The following PPFIA2 variants were observed in gnomAD, a reference collection of about 807,000 sequenced individuals.
PPFIA2 encodes PPFI scaffold protein A2.
PPFIA2 carries 46 observed loss-of-function variants against 175.5 expected under a neutral mutation model. The ratio of observed to expected loss-of-function variants is 0.26; its 90% CI spans 0.21 to 0.34. PPFIA2 has a LOEUF of 0.34. Ranked by LOEUF, PPFIA2 falls within the 10% of genes least tolerant of loss-of-function variation. PPFIA2 has a pLI of 1.00. For synonymous variants in PPFIA2, 568 were observed against 511.4 expected, an observed-to-expected ratio of 1.11 and a Z score of -1.49; for missense variants, 1,179 against 1,506.1, an observed-to-expected ratio of 0.78 and a Z score of 3.60.
chr12:81,409,921 T>A (rs951400116), intron 7 of PPFIA2, among the ~76,000 whole-genome samples: 1 of 152,172 alleles, frequency 6.6e-6, no homozygotes, highest in African/African-American at 2.4e-5. Flanking sequence ...TTTGAATATA[T>A]GCCCTCCTCC....
chr12:81,263,101 G>C (rs752049268), intron 31 of PPFIA2, 130 bp downstream of exon 31: 78 of 915,520 alleles, frequency 8.5e-5, no homozygotes, highest in East Asian at 1.9e-4. Flanking sequence ...TTTGTGATGA[G>C]AGCAAAGTAA....
chr12:81,417,349 C>G (rs1229071545), intron 7 of PPFIA2: 1 of 149,598 alleles, frequency 6.7e-6, no homozygotes, highest in Non-Finnish European at 1.5e-5. Flanking sequence ...TGTAAGTATA[C>G]ATGTGTTTTT....
At chr12:81,581,280 A>C (rs1300586578) in intron 4 of PPFIA2, among the ~76,000 whole-genome samples, 1 of 151,678 alleles carries the variant, frequency 6.6e-6, no homozygotes, top group Admixed American at 6.6e-5. Flanking sequence ...CCAGCAGATC[A>C]CAGCATATAC....
At position 81,454,717 on chromosome 12, in the gene PPFIA2, T is replaced by C. The variant is rs1035967485; in HGVS notation, c.405+3048A>G. Among the ~76,000 whole-genome samples the C allele has an allele frequency of 7.2e-5, 11 of 152,274 alleles. No homozygotes were observed. In the South Asian group the frequency reaches 2.3e-3, roughly 32 times the overall value. ...TCCACACATGGTTTCATGGACTGGC[T>C]TTTTATGTTATTTAGCTCAGTTCAT... On this transcript the variant is annotated intron_variant, in intron 5 of 32. Coordinates refer to ENST00000549396, the MANE Select transcript of PPFIA2 (RefSeq NM_003625.5).
chr12:81,282,118 T>C lies in PPFIA2; in HGVS notation c.3019-668A>G, dbSNP rs1043653953. On this transcript the variant is annotated intron_variant, in intron 26 of 32. Coordinates refer to ENST00000549396, the MANE Select transcript of PPFIA2 (RefSeq NM_003625.5). ...CTTTAATATAACAAACAAACTATTC[T>C]TACCAATACTGTTCAAAACAGCTAA... Among the ~76,000 whole-genome samples, 6 of 152,140 alleles carry C rather than the reference T, an allele frequency of 3.9e-5. No individual in the cohort carries two copies. In the East Asian group the frequency reaches 1.2e-3, roughly 29 times the overall value.
chr12:81,696,813 C>T (rs2075946781), intron 3 of PPFIA2, among the ~76,000 whole-genome samples: 1 of 151,868 alleles, frequency 6.6e-6, no homozygotes, highest in African/African-American at 2.4e-5. Context: ...ATAAGTTAAC[C>T]TATTAAAATG....
intron 4 of PPFIA2, among the ~76,000 whole-genome samples, chr12:81,494,610 C>T (rs1352467281): frequency 1.3e-5 from 2 of 151,734 alleles, no homozygotes; most frequent in Non-Finnish European, 2.9e-5. Flanking sequence ...ACCCAAAGGA[C>T]TATAAATCAT....
At chr12:81,433,835 T>C (rs2048521543) in intron 7 of PPFIA2, among the ~76,000 whole-genome samples, 2 of 152,250 alleles carry the variant, frequency 1.3e-5, no homozygotes, top group South Asian at 4.1e-4. Context: ...CTACATAGGC[T>C]TACACAAGTA....
intron 28 of PPFIA2, among the ~76,000 whole-genome samples, chr12:81,276,198 A>T (rs181529651): frequency 6.6e-6 from 1 of 152,332 alleles, no homozygotes; most frequent in East Asian, 1.9e-4. Flanking sequence ...GCTTTCACTT[A>T]CAAGTGGGCA....
At chr12:81,340,971 G>T in intron 20 of PPFIA2, 107 bp downstream of exon 20, 1 of 1,201,150 alleles carries the variant, frequency 8.3e-7, no homozygotes, top group Non-Finnish European at 1.1e-6. Flanking sequence ...GGAGAATTCT[G>T]GCTCAAATAA....
intron 4 of PPFIA2, among the ~76,000 whole-genome samples, chr12:81,548,383 A>G (rs10746192): frequency 0.69 from 105,336 of 152,118 alleles, 37,566 homozygotes; most frequent in East Asian, 0.92. Context: ...TTTCAAAAAA[A>G]GCCATCAAGA....
At chr12:81,362,444 T>C (rs1027105534) in intron 15 of PPFIA2, among the ~76,000 whole-genome samples, 2 of 151,270 alleles carry the variant, frequency 1.3e-5, no homozygotes, top group African/African-American at 4.8e-5. Context: ...AATATATTTA[T>C]ATATATAATG....
chr12:81,287,286 A>G (rs541182272), intron 24 of PPFIA2, among the ~76,000 whole-genome samples: 22 of 152,106 alleles, frequency 1.4e-4, no homozygotes, highest in African/African-American at 5.3e-4. Flanking sequence ...CTTCTTTAAG[A>G]AACTACCTGT....
chr12:81,372,691 A>T (rs2035463963), intron 11 of PPFIA2, among the ~76,000 whole-genome samples: 1 of 151,548 alleles, frequency 6.6e-6, no homozygotes, highest in African/African-American at 2.4e-5. Flanking sequence ...ATAAAATCTC[A>T]GTACTTAAGG....
intron 20 of PPFIA2, 66 bp from the exon 21 acceptor site, chr12:81,339,400 T>C (rs2057672592): frequency 2.4e-6 from 3 of 1,249,410 alleles, no homozygotes; most frequent in Admixed American, 6.8e-5. Flanking sequence ...ATTTCCTTTA[T>C]AAAATGCACC....
At chr12:81,740,968 C>A (rs533937496) in intron 3 of PPFIA2, among the ~76,000 whole-genome samples, 30 of 134,700 alleles carry the variant, frequency 2.2e-4, no homozygotes, top group African/African-American at 7.6e-4. Context: ...ATTATAAAGT[C>A]ATATAAATAT....
In PPFIA2 at chr12:81,527,401, G is replaced by A. The variant is rs2063856913; in HGVS notation, c.304-69535C>T. On this transcript the variant is annotated intron_variant, in intron 4 of 32. Coordinates refer to ENST00000549396, the MANE Select transcript of PPFIA2 (RefSeq NM_003625.5). ...GCTTCTGTTTAGAGTAAAATTCTTT[G>A]AAGAAGTTGTCTCTTCATTGTATTG... Among the ~76,000 whole-genome samples, 3 of 152,038 alleles carry A rather than the reference G, an allele frequency of 2.0e-5. No homozygotes were observed. The South Asian group carries it at 6.2e-4, about 32-fold the overall frequency.
At chr12:81,405,440 T>C (rs1391487866) in intron 8 of PPFIA2, among the ~76,000 whole-genome samples, 1 of 151,946 alleles carries the variant, frequency 6.6e-6, no homozygotes, top group Non-Finnish European at 1.5e-5. Context: ...TATATACATA[T>C]GCCATATATA....
In PPFIA2 at chr12:81,588,324, C is replaced by T. The variant is rs76410665; in HGVS notation, c.303+88467G>A. On this transcript the variant is annotated intron_variant, in intron 4 of 32. Transcript: ENST00000549396. ...TAAGGAAAACAACTTCCAAAATGTA[C>T]TTACAAAGTAAACCAAGCACACACA... 6.4e-3 allele frequency among the ~76,000 whole-genome samples: 967 copies of T among 152,026 alleles called. 38 individuals are homozygous for T. In the East Asian group the frequency reaches 0.095, roughly 15 times the overall value.
Sources: gnomAD v4.1 joint callset for allele counts (sites outside exome capture counted in the v4.1 genomes callset) on GRCh38, gnomAD v4.1.1 for gene constraint, MANE v1.5 for transcripts, NCBI Gene and HGNC (gene_info 2026-07-23, HGNC 2026-07-21) for gene names.